Variants in CDYL observed in about 807,000 individuals in gnomAD.
The protein encoded by CDYL is chromodomain Y like.
A neutral mutation model predicts 47.3 loss-of-function variants in CDYL; 8 were observed. That is an observed-to-expected ratio of 0.17 (90% confidence interval 0.10 to 0.31). CDYL has a LOEUF of 0.31. Ranked by LOEUF, CDYL falls within the 10% of genes least tolerant of loss-of-function variation. The pLI, the probability that CDYL is intolerant of heterozygous loss-of-function variation, is 1.00. For missense variants in CDYL, 471 were observed against 701.4 expected (o/e 0.67, Z 3.71); for synonymous variants, 266 against 265.0 (o/e 1.00, Z -0.04).
At position 4,891,812 on chromosome 6, in the gene CDYL, G is replaced by A; in HGVS notation, c.124G>A (p.Glu42Lys). 6.2e-7 allele frequency: 1 copy of A among 1,614,130 alleles called. No homozygotes were observed. The highest frequency in any genetic ancestry group is 8.5e-7 in the Non-Finnish European group (1 of 1,180,028). Residue 42 changes from glutamate (E) to lysine (K), a missense_variant, in exon 2 of 7, where the codon GAA (glutamate) becomes AAA (lysine). By Grantham distance (56) the Glu-to-Lys change is moderately conservative. Around this residue, in one of 3 missense-constraint regions of CDYL, gnomAD observed 311 missense variants for 350.0 expected, o/e 0.89. Transcript: ENST00000397588. Reference sequence around the variant, plus strand: ...CAGCGAGGACGACACTTGGGAGCCGGAACAGCACCTCGTGAACTGTGAGGA... The same window carrying A: ...CAGCGAGGACGACACTTGGGAGCCGAAACAGCACCTCGTGAACTGTGAGGA... ...YDSEDDTWEP[E>K]QHLVNCEEYI...
chr6:4,929,493 T>TACACACACACACAC (rs71540836), intron 2 of CDYL, among the ~76,000 whole-genome samples: 3,905 of 143,956 alleles, frequency 0.027, 73 homozygotes, highest in South Asian at 0.058. Flanking sequence ...ATGTTTTACT[T>TACACACACACACAC]ACACACACAC....
At chr6:4,707,287 TTTTA>T (rs1193075579) in intron 1 of CDYL, among the ~76,000 whole-genome samples, 1 of 151,840 alleles carries the variant, frequency 6.6e-6, no homozygotes, top group Non-Finnish European at 1.5e-5. Flanking sequence ...GTTTTTTGTT[TTTTA>T]TTTGAGACAG....
chr6:4,941,576 C>T (rs1006166317), intron 4 of CDYL, among the ~76,000 whole-genome samples: 1 of 152,168 alleles, frequency 6.6e-6, no homozygotes, highest in Non-Finnish European at 1.5e-5. Flanking sequence ...GGTGAAGTCA[C>T]CATTCCAGGC....
chr6:4,911,384 G>A (rs576471434), intron 2 of CDYL, among the ~76,000 whole-genome samples: 9 of 152,320 alleles, frequency 5.9e-5, no homozygotes, highest in Admixed American at 1.3e-4. Flanking sequence ...ACATACATGC[G>A]CACAGTAGTT....
chr6:4,857,181 C>T (rs1221386335), intron 1 of CDYL, among the ~76,000 whole-genome samples: 3 of 152,098 alleles, frequency 2.0e-5, no homozygotes, highest in African/African-American at 7.2e-5. Context: ...CCATTTTAAC[C>T]ATTTTCTGTG....
In CDYL at chr6:4,801,641, C is replaced by T. The variant is rs146617739; in HGVS notation, c.24+24834C>T. 4.1e-3 allele frequency among the ~76,000 whole-genome samples: 621 copies of T among 152,178 alleles called. 1 individual carries two copies. The highest frequency in any genetic ancestry group is 0.014 in the African/African-American group (580 of 41,530). On this transcript the variant is annotated intron_variant, in intron 1 of 6. Coordinates refer to ENST00000397588, the MANE Select transcript of CDYL (RefSeq NM_004824.4). ...TAGTGTGGCACCCTGTGAGTCTCCC[C>T]TGTGTCTGCAAAATTTGAAAGTTGG...
At chr6:4,869,100 T>C (rs887951707) in intron 1 of CDYL, among the ~76,000 whole-genome samples, 1 of 127,582 alleles carries the variant, frequency 7.8e-6, no homozygotes, top group South Asian at 2.3e-4. Context: ...TTCTTTCTTA[T>C]TTTTTTTTTT....
At chr6:4,774,141 G>C (rs532359967), upstream of CDYL, among the ~76,000 whole-genome samples, 1 of 152,172 alleles carries the variant, frequency 6.6e-6, no homozygotes, top group Non-Finnish European at 1.5e-5. Context: ...AATAATTGGA[G>C]TAATGGTCAT....
chr6:4,734,629 T>A, intron 2 of CDYL: 1 of 1,230,454 alleles, frequency 8.1e-7, no homozygotes, highest in Non-Finnish European at 1.1e-6. Context: ...GTTTCTATGT[T>A]CAGTTAGACT....
intron 3 of CDYL, among the ~76,000 whole-genome samples, chr6:4,762,400 A>T (rs1758188218): frequency 6.6e-6 from 1 of 152,178 alleles, no homozygotes; most frequent in African/African-American, 2.4e-5. Context: ...CTGGCACATA[A>T]TAAAAAATAA....
rs1392133981 is a variant in CDYL, at chr6:4,955,115, T to C, written c.*1059T>C. The C allele has an allele frequency of 6.6e-6, 1 of 152,662 alleles. No individual in the cohort carries two copies. Among genetic ancestry groups the C allele is most frequent in the East Asian group, 1.9e-4 (1 of 5,202 alleles). The allele number at this position is 152,662 out of a possible 1,614,324, so 9.5% of individuals were successfully genotyped here. The stretch of plus-strand genomic sequence containing the variant: ...ACCTTATATTCAACATTTAATGTTC[T>C]TGGCCTCTGCTTTTATGTCTATACA... On this transcript the variant is annotated 3_prime_UTR_variant, in exon 7 of 7. Transcript: ENST00000397588.
intron 5 of CDYL, among the ~76,000 whole-genome samples, chr6:4,949,375 CCT>C (rs1202834223): frequency 3.9e-5 from 6 of 152,242 alleles, no homozygotes; most frequent in African/African-American, 1.4e-4. Context: ...GGTGGTAAAA[CCT>C]CTGCCACAGC....
chr6:4,837,654 G>A (rs1268090992), intron 1 of CDYL, among the ~76,000 whole-genome samples: 1 of 151,824 alleles, frequency 6.6e-6, no homozygotes, highest in East Asian at 1.9e-4. Flanking sequence ...TAGTAGAGAC[G>A]AGGTTTCATC....
chr6:4,737,699 G>T (rs1757727970), intron 3 of CDYL, among the ~76,000 whole-genome samples: 1 of 151,330 alleles, frequency 6.6e-6, no homozygotes, highest in African/African-American at 2.4e-5. Flanking sequence ...GCTAATTTTT[G>T]TATTTTTAGT....
chr6:4,780,141 C>T lies in CDYL; in HGVS notation c.24+3334C>T, dbSNP rs61403663. ...GGGTTGGGGATGTATGGAAGTTAGACGGTATTTCTAACTTTCATCCCAGCT... is the reference window on the plus strand; with the variant it reads ...GGGTTGGGGATGTATGGAAGTTAGATGGTATTTCTAACTTTCATCCCAGCT... On this transcript the variant is annotated intron_variant, in intron 1 of 6. Coordinates refer to ENST00000397588, the MANE Select transcript of CDYL (RefSeq NM_004824.4). 3.3e-5 allele frequency among the ~76,000 whole-genome samples: 5 copies of T among 151,762 alleles called. No individual in the cohort carries two copies. The East Asian group carries it at 5.8e-4, about 18-fold the overall frequency.
chr6:4,797,278 A>G (rs899590199), intron 1 of CDYL, among the ~76,000 whole-genome samples: 2 of 152,306 alleles, frequency 1.3e-5, no homozygotes, highest in Non-Finnish European at 1.5e-5. Flanking sequence ...TTTTAACTTT[A>G]GAAAACACAT....
At chr6:4,835,137 G>A (rs945630142) in intron 1 of CDYL, among the ~76,000 whole-genome samples, 1 of 152,218 alleles carries the variant, frequency 6.6e-6, no homozygotes, top group Non-Finnish European at 1.5e-5. Flanking sequence ...TTTGGAGGAG[G>A]AGAGGTGCTC....
chr6:4,846,344 A>G (rs1760656895), intron 1 of CDYL, among the ~76,000 whole-genome samples: 1 of 152,228 alleles, frequency 6.6e-6, no homozygotes, highest in Admixed American at 6.5e-5. Flanking sequence ...GAAATGTAGT[A>G]CTTATTAAAT....
At chr6:4,928,424 GA>G (rs1258563322) in intron 2 of CDYL, among the ~76,000 whole-genome samples, 1 of 152,128 alleles carries the variant, frequency 6.6e-6, no homozygotes, top group African/African-American at 2.4e-5. Context: ...ATAGTTCCCA[GA>G]ATCTAGAAAT....
Sources: gnomAD v4.1 joint callset for allele counts (sites outside exome capture counted in the v4.1 genomes callset) on GRCh38, gnomAD v4.1.1 for gene constraint, gnomAD v4.1.1 regional missense constraint, MANE v1.5 for transcripts, NCBI Gene and HGNC (gene_info 2026-07-23, HGNC 2026-07-21) for gene names.